ELAPOR2: variants seen among roughly 807,000 people sequenced by gnomAD.
ELAPOR2 encodes endosome/lysosome-associated apoptosis and autophagy regulator family member 2.
In ELAPOR2, 89 loss-of-function variants were observed where a neutral mutation model predicts 120.7. The ratio of observed to expected loss-of-function variants is 0.74; its 90% CI spans 0.62 to 0.88. ELAPOR2 has a LOEUF of 0.88. Ranked by LOEUF, ELAPOR2 falls within the 40% of genes least tolerant of loss-of-function variation. The probability of loss-of-function intolerance (pLI) is 0.00; values close to 1 mark genes in which losing one functional copy is unlikely to be tolerated. For synonymous variants in ELAPOR2, 444 were observed against 444.9 expected, an observed-to-expected ratio of 1.00 and a Z score of 0.03; for missense variants, 1,134 against 1,251.6, an observed-to-expected ratio of 0.91 and a Z score of 1.42.
At chr7:86,988,142 A>C (rs1021315701) in intron 1 of ELAPOR2, among the ~76,000 whole-genome samples, 2 of 152,166 alleles carry the variant, frequency 1.3e-5, no homozygotes, top group Non-Finnish European at 2.9e-5. Flanking sequence ...TTGCGAACTG[A>C]ACAATGAGAA....
intron 7 of ELAPOR2, 108 bp from the exon 8 acceptor site, chr7:86,938,322 C>CTT (rs1790650679): frequency 3.9e-6 from 3 of 770,974 alleles, no homozygotes; most frequent in Non-Finnish European, 6.4e-6. Context: ...AATAAACTTA[C>CTT]CAGGGCAATT....
At position 86,944,969 on chromosome 7, in the gene ELAPOR2, T is replaced by G; in HGVS notation, c.584A>C (p.His195Pro). 1.3e-6 allele frequency: 2 copies of G among 1,550,896 alleles called. No homozygotes were observed. The highest frequency in any genetic ancestry group is 1.2e-5 in the South Asian group (1 of 83,970). ...DCTVSLIYAV[H>P]LKKSGYVFFE... is the part of the protein sequence containing the mutation. ...GAAGACATAGCCTGACTTCTTAAGG[T>G]GCACAGCATAGATCAAAGACACCGT... The change falls in exon 4 of 22, where the codon CAC becomes CCC. Residue 195 changes from histidine (H) to proline (P), a missense_variant. Around this residue, in one of 3 missense-constraint regions of ELAPOR2, gnomAD observed 280 missense variants for 331.5 expected, o/e 0.84. Coordinates refer to ENST00000450689, the MANE Select transcript of ELAPOR2 (RefSeq NM_001142749.3).
chr7:86,925,573 T>A lies in ELAPOR2; in HGVS notation c.1354A>T (p.Thr452Ser). ...WWNVLPGNMK[T>S]SCFNVGNSKC... ...GAATTCCCAACATTGAAGCAGGAAG[T>A]TTTCATGTTGCCAGGAAGGACATTC... Residue 452 changes from threonine to serine, a missense_variant, in exon 10 of 22, where the codon ACT becomes TCT. Around this residue, in one of 3 missense-constraint regions of ELAPOR2, gnomAD observed 831 missense variants for 867.6 expected, o/e 0.96. Transcript: ENST00000450689. 6.2e-7 allele frequency: 1 copy of A among 1,612,016 alleles called. No individual in the cohort carries two copies. The highest frequency in any genetic ancestry group is 8.5e-7 in the Non-Finnish European group (1 of 1,178,620).
intron 1 of ELAPOR2, among the ~76,000 whole-genome samples, chr7:86,967,524 T>G (rs1392527866): frequency 6.6e-6 from 1 of 152,168 alleles, no homozygotes; most frequent in African/African-American, 2.4e-5. Context: ...GGCCCCTATA[T>G]ATAAAATTTA....
chr7:87,008,971 A>C (rs1339839433), intron 1 of ELAPOR2, among the ~76,000 whole-genome samples: 1 of 152,202 alleles, frequency 6.6e-6, no homozygotes, highest in African/African-American at 2.4e-5. Flanking sequence ...AGTGGAAAAC[A>C]ATACATAAGA....
chr7:86,906,364 C>T (rs1255991489), intron 18 of ELAPOR2, among the ~76,000 whole-genome samples: 1 of 152,134 alleles, frequency 6.6e-6, no homozygotes, highest in Non-Finnish European at 1.5e-5. Flanking sequence ...TTGCATCCAT[C>T]TCTCACCTTG....
intron 1 of ELAPOR2, among the ~76,000 whole-genome samples, chr7:87,022,142 A>G (rs1302245065): frequency 6.6e-6 from 1 of 151,990 alleles, no homozygotes; most frequent in Non-Finnish European, 1.5e-5. Context: ...GGTTTGTTAC[A>G]TATGTATACA....
rs747233523 is a variant in ELAPOR2 at position 86,947,214 on chromosome 7, G to GT, written c.506+512dup. Among the ~76,000 whole-genome samples the GT allele has an allele frequency of 8.4e-4, 128 of 152,150 alleles. No individual in the cohort carries two copies. The Middle Eastern group carries it at 0.014, about 16-fold the overall frequency. On this transcript the variant is annotated intron_variant, in intron 3 of 21. Coordinates refer to ENST00000450689, the MANE Select transcript of ELAPOR2 (RefSeq NM_001142749.3). ...AGCTCAAAGACAAACATTTTGTTTT[G>GT]TTTTTTTCAAAACAGTTTAACATTT...
At chr7:87,057,136 A>C (rs1367011935) in intron 1 of ELAPOR2, among the ~76,000 whole-genome samples, 1 of 152,210 alleles carries the variant, frequency 6.6e-6, no homozygotes, top group East Asian at 1.9e-4. Context: ...CTGTGTCTTT[A>C]TTCACAGGCG....
At chr7:86,963,014 A>C (rs891816763) in intron 2 of ELAPOR2, among the ~76,000 whole-genome samples, 1 of 152,230 alleles carries the variant, frequency 6.6e-6, no homozygotes, top group Non-Finnish European at 1.5e-5. Context: ...GGCCAGATCG[A>C]CAAATTCCAG....
chr7:87,022,045 G>A (rs1042253981), intron 1 of ELAPOR2, among the ~76,000 whole-genome samples: 4 of 151,956 alleles, frequency 2.6e-5, no homozygotes, highest in South Asian at 2.1e-4. Context: ...GACAGCCATA[G>A]GTTAGTGAAT....
chr7:86,887,922 GTTA>G (rs1799768724), intron 21 of ELAPOR2, among the ~76,000 whole-genome samples: 1 of 151,864 alleles, frequency 6.6e-6, no homozygotes, highest in Non-Finnish European at 1.5e-5. Context: ...ACTACATAAG[GTTA>G]TTTACACTTA....
intron 2 of ELAPOR2, among the ~76,000 whole-genome samples, chr7:86,963,247 C>G (rs918231229): frequency 2.0e-5 from 3 of 152,212 alleles, no homozygotes; most frequent in African/African-American, 4.8e-5. Flanking sequence ...GTGTCATATT[C>G]CAAATGTTAT....
intron 1 of ELAPOR2, among the ~76,000 whole-genome samples, chr7:87,050,022 A>G (rs4728674): frequency 0.57 from 85,749 of 151,630 alleles, 24,899 homozygotes; most frequent in East Asian, 0.76. Context: ...TTGGCCTTTT[A>G]CCGTGGTACG....
At chr7:86,899,236 A>G (rs1788599923) in intron 18 of ELAPOR2, among the ~76,000 whole-genome samples, 1 of 152,144 alleles carries the variant, frequency 6.6e-6, no homozygotes, top group Non-Finnish European at 1.5e-5. Context: ...AATGGCTGCT[A>G]TGGTGTACAG....
intron 1 of ELAPOR2, among the ~76,000 whole-genome samples, chr7:87,023,999 T>C (rs144276655): frequency 0.016 from 2,439 of 152,280 alleles, 75 homozygotes; most frequent in African/African-American, 0.056. Context: ...TATACAATCA[T>C]GTCATCCGCA....
intron 1 of ELAPOR2, among the ~76,000 whole-genome samples, chr7:87,026,452 T>TAA (rs538794628): frequency 1.0e-3 from 144 of 144,576 alleles, no homozygotes; most frequent in Non-Finnish European, 1.8e-3. Flanking sequence ...AGTTAGGAAT[T>TAA]AAAAAAAAAA....
chr7:86,947,692 T>G, intron 3 of ELAPOR2, 35 bp downstream of exon 3: 1 of 1,510,148 alleles, frequency 6.6e-7, no homozygotes, highest in East Asian at 2.5e-5. Context: ...TCTCAAATAT[T>G]CAGTTAAGAG....
At chr7:86,905,430 T>C (rs1259842136) in intron 18 of ELAPOR2, among the ~76,000 whole-genome samples, 1 of 151,928 alleles carries the variant, frequency 6.6e-6, no homozygotes, top group African/African-American at 2.4e-5. Flanking sequence ...GGGAAATTGA[T>C]TCAAGAAAGA....
Sources: allele counts gnomAD v4.1 joint callset (sites outside exome capture counted in the v4.1 genomes callset), GRCh38; gene constraint gnomAD v4.1.1; regional missense constraint gnomAD v4.1.1; transcripts MANE v1.5; gene names NCBI Gene and HGNC (gene_info 2026-07-23, HGNC 2026-07-21).